The following PCNX2 variants were observed in gnomAD, a reference collection of about 807,000 sequenced individuals.
The protein encoded by PCNX2 is pecanex 2, also known as pecanex-like protein 2.
In PCNX2, 168 loss-of-function variants were observed where a neutral mutation model predicts 223.8. That is an observed-to-expected ratio of 0.75 (90% CI 0.66 to 0.85). The LOEUF is 0.85. Among genes scored for constraint, PCNX2 ranks in the 40% least tolerant of loss-of-function variants. The pLI, the probability that PCNX2 is intolerant of heterozygous loss-of-function variation, is 0.00. For synonymous variants in PCNX2, 1,006 were observed against 1,052.6 expected (o/e 0.96, Z 0.86); for missense variants, 2,507 against 2,675.5 (o/e 0.94, Z 1.39).
intron 31 of PCNX2, 97 bp downstream of exon 31, chr1:232,999,008 G>T: frequency 7.3e-7 from 1 of 1,361,700 alleles, no homozygotes; most frequent in Non-Finnish European, 9.9e-7. Flanking sequence ...AGAAAATGGT[G>T]GCTGACAGTG....
chr1:233,108,364 A>G (rs1413976741), intron 21 of PCNX2, among the ~76,000 whole-genome samples: 1 of 152,142 alleles, frequency 6.6e-6, no homozygotes, highest in Non-Finnish European at 1.5e-5. Context: ...ATAAGCACTC[A>G]CTCACCTGGG....
In PCNX2 at chr1:232,986,485, C is replaced by A. The variant is rs775082441; in HGVS notation, c.5847G>T (p.Arg1949Ser). Residue 1949 changes from arginine (R) to serine (S), a missense_variant, in exon 33 of 34, where the codon AGG becomes AGT. By Grantham distance (110) the Arg-to-Ser change is moderately radical (BLOSUM62 -1). Around this residue, in one of 3 missense-constraint regions of PCNX2, gnomAD observed 1,372 missense variants for 1,509.4 expected, o/e 0.91. Coordinates refer to ENST00000258229, the MANE Select transcript of PCNX2 (RefSeq NM_014801.4). Reference protein sequence around the residue: ...SVQAHSALSQRPPMLSSSGPI... With the variant: ...SVQAHSALSQSPPMLSSSGPI... ...GGCCAGATGAGCTCAGCATGGGCGG[C>A]CTTTGGCTTAGCGCTGAGTGTGCCT... 9 of 1,592,890 alleles carry A rather than the reference C, an allele frequency of 5.7e-6. No homozygotes were observed. The African/African-American group carries it at 6.7e-5, about 12-fold the overall frequency.
rs140628957 is a variant in PCNX2 at position 233,236,537 on chromosome 1, C to G, written c.2358+308G>C. On this transcript the variant is annotated intron_variant, in intron 9 of 33. Coordinates refer to ENST00000258229, the MANE Select transcript of PCNX2 (RefSeq NM_014801.4). ...CCATGGGAGAAAAAGGCAACCTAAT[C>G]CAGTGAGCTCTTGTGAGACTTATGC... Among the ~76,000 whole-genome samples, 429 of 151,958 alleles carry G rather than the reference C, an allele frequency of 2.8e-3. 2 individuals are homozygous for G. Among genetic ancestry groups the G allele is most frequent in the African/African-American group, 0.01 (418 of 41,442 alleles).
At chr1:233,109,904 C>T (rs1230351379) in intron 21 of PCNX2, among the ~76,000 whole-genome samples, 1 of 152,022 alleles carries the variant, frequency 6.6e-6, no homozygotes, top group Non-Finnish European at 1.5e-5. Flanking sequence ...CACCTGAGGT[C>T]TGGAGAAACA....
chr1:233,018,403 C>G (rs1035878138), intron 26 of PCNX2, among the ~76,000 whole-genome samples: 82 of 152,184 alleles, frequency 5.4e-4, no homozygotes, highest in African/African-American at 1.9e-3. Flanking sequence ...AGTGCCCAGA[C>G]AGTGGACATC....
intron 15 of PCNX2, among the ~76,000 whole-genome samples, chr1:233,184,052 G>A (rs72750049): frequency 2.6e-5 from 4 of 152,264 alleles, no homozygotes; most frequent in Admixed American, 6.5e-5. Flanking sequence ...AGAAGAACCT[G>A]CTAACTTCTA....
In PCNX2 at chr1:233,177,874, A is replaced by C. The variant is rs763464275; in HGVS notation, c.3201T>G (p.Phe1067Leu). Residue 1067 changes from phenylalanine (F) to leucine (L), a missense_variant, in exon 17 of 34, where the codon TTT becomes TTG. Physicochemically the swap from Phe to Leu is conservative, Grantham distance 22. Transcript: ENST00000258229. ...CCAGATTTTGATGTAAAAATTTAGGAAACAGCCTGCATTGGATGAAGGACC... is the reference window on the plus strand; with the variant it reads ...CCAGATTTTGATGTAAAAATTTAGGCAACAGCCTGCATTGGATGAAGGACC... ...VLMSFIQCRL[F>L]PKFLHQNLAE... The C allele has an allele frequency of 4.3e-6, 7 of 1,613,950 alleles. No individual in the cohort carries two copies. In the South Asian group the frequency reaches 7.7e-5, roughly 18 times the overall value.
chr1:233,211,696 T>C (rs1681827082), intron 12 of PCNX2: 1 of 894,808 alleles, frequency 1.1e-6, no homozygotes, highest in Non-Finnish European at 1.3e-6. Flanking sequence ...TGGCTTCCTC[T>C]ACCAACCATG....
At chr1:233,262,933 G>C in intron 2 of PCNX2, 25 bp downstream of exon 2, 1 of 1,599,290 alleles carries the variant, frequency 6.3e-7, no homozygotes, top group Non-Finnish European at 8.6e-7. Context: ...ACATTTTGAA[G>C]TGTCACATTA....
intron 9 of PCNX2, among the ~76,000 whole-genome samples, chr1:233,235,528 C>T (rs1209488754): frequency 6.6e-6 from 1 of 152,260 alleles, no homozygotes; most frequent in East Asian, 1.9e-4. Context: ...ATGTGGTCAG[C>T]TAAAAGGTAA....
intron 21 of PCNX2, among the ~76,000 whole-genome samples, chr1:233,123,152 T>C (rs1159549523): frequency 1.3e-5 from 2 of 152,224 alleles, no homozygotes; most frequent in African/African-American, 4.8e-5. Context: ...CTATTTGGGC[T>C]CATTAATTAT....
chr1:233,201,025 C>CA (rs760282445), intron 13 of PCNX2, among the ~76,000 whole-genome samples: 2,331 of 25,558 alleles, frequency 0.091, 264 homozygotes, highest in East Asian at 0.39. Flanking sequence ...GACTCCGTCT[C>CA]AAAAAAAAAA....
At position 233,258,539 on chromosome 1, in the gene PCNX2, T is replaced by C; in HGVS notation, c.1323A>G (p.Gly441=). Residue 441 remains glycine, a synonymous_variant, in exon 5 of 34, where the codon GGA becomes GGG. Coordinates refer to ENST00000258229, the MANE Select transcript of PCNX2 (RefSeq NM_014801.4). ...ITLDLPEGGG[G]GVPCPEGNGS... Reference sequence around the variant, plus strand: ...CATTGCCTTCGGGACAGGGAACACCTCCTCCCCCACCCTCAGGCAGGTCCA... The same window carrying C: ...CATTGCCTTCGGGACAGGGAACACCCCCTCCCCCACCCTCAGGCAGGTCCA... 1.2e-6 allele frequency: 2 copies of C among 1,613,910 alleles called. No individual in the cohort carries two copies. The highest frequency in any genetic ancestry group is 1.7e-6 in the Non-Finnish European group (2 of 1,179,876).
At chr1:233,085,904 C>A (rs949702422) in intron 23 of PCNX2, among the ~76,000 whole-genome samples, 6 of 152,182 alleles carry the variant, frequency 3.9e-5, no homozygotes, top group Non-Finnish European at 7.3e-5. Context: ...CTCAGCCCAG[C>A]CCTTCCCAAA....
intron 14 of PCNX2, 73 bp from the exon 15 acceptor site, chr1:233,199,103 A>G (rs1680906925): frequency 3.8e-5 from 52 of 1,369,302 alleles, no homozygotes; most frequent in Non-Finnish European, 5.2e-5. Flanking sequence ...AACAGTGAAG[A>G]GATGGTTGCA....
chr1:233,298,168 G>T (rs527454775), upstream of PCNX2, among the ~76,000 whole-genome samples: 1 of 152,044 alleles, frequency 6.6e-6, no homozygotes, highest in Admixed American at 6.6e-5. Context: ...AAAAAATGAA[G>T]CCAAGAGGGC....
upstream of PCNX2, among the ~76,000 whole-genome samples, chr1:233,299,369 A>C (rs1662223685): frequency 6.6e-6 from 1 of 152,130 alleles, no homozygotes; most frequent in Non-Finnish European, 1.5e-5. Flanking sequence ...TGGCTTCCTA[A>C]CTAATTTTTG....
intron 15 of PCNX2, among the ~76,000 whole-genome samples, chr1:233,194,661 A>G (rs903234813): frequency 6.6e-6 from 1 of 152,170 alleles, no homozygotes; most frequent in Admixed American, 6.5e-5. Flanking sequence ...AAAAGGAAAC[A>G]CTTTCCAACT....
At chr1:233,231,676 A>G in intron 9 of PCNX2, 1 of 985,014 alleles carries the variant, frequency 1.0e-6, no homozygotes. Context: ...TAGACAGAAG[A>G]AAAAGTGGTC....
Sources: gnomAD v4.1 joint callset for allele counts (sites outside exome capture counted in the v4.1 genomes callset) on GRCh38, gnomAD v4.1.1 for gene constraint, gnomAD v4.1.1 regional missense constraint, MANE v1.5 for transcripts, NCBI Gene and HGNC (gene_info 2026-07-23, HGNC 2026-07-21) for gene names.